Variants in MAPKAPK3 observed in about 807,000 individuals in gnomAD.
MAPKAPK3 encodes the protein MAP kinase-activated protein kinase 3.
Under a neutral mutation model 49.2 loss-of-function variants are expected in MAPKAPK3, and 35 were observed. That is an observed-to-expected ratio of 0.71 (90% CI 0.54 to 0.94). The LOEUF is 0.94. Ranked by LOEUF, MAPKAPK3 falls within the 40% of genes least tolerant of loss-of-function variation. MAPKAPK3 has a pLI of 0.00. For synonymous variants in MAPKAPK3, 178 were observed against 188.7 expected, an observed-to-expected ratio of 0.94 and a Z score of 0.46; for missense variants, 398 against 493.1, an observed-to-expected ratio of 0.81 and a Z score of 1.83.
intron 2 of MAPKAPK3, among the ~76,000 whole-genome samples, chr3:50,622,028 A>G (rs528069310): frequency 1.1e-4 from 17 of 152,300 alleles, no homozygotes; most frequent in Admixed American, 6.5e-4. Flanking sequence ...TGTAGCAGCC[A>G]TCTTCCTTCT....
chr3:50,639,557 T>C (rs2033124526), intron 2 of MAPKAPK3, among the ~76,000 whole-genome samples: 1 of 152,162 alleles, frequency 6.6e-6, no homozygotes, highest in Non-Finnish European at 1.5e-5. Flanking sequence ...TAGAAGCACT[T>C]TTCTTGGTAG....
intron 2 of MAPKAPK3, among the ~76,000 whole-genome samples, chr3:50,637,273 C>T (rs540913763): frequency 2.6e-5 from 4 of 152,328 alleles, no homozygotes; most frequent in South Asian, 2.1e-4. Context: ...GCCAGGGACC[C>T]CCAAGTGAAC....
intron 2 of MAPKAPK3, among the ~76,000 whole-genome samples, chr3:50,639,613 A>G (rs976933294): frequency 7.9e-5 from 12 of 152,224 alleles, no homozygotes; most frequent in African/African-American, 2.9e-4. Context: ...CTGAAGTCTT[A>G]ATTACTTTTA....
chr3:50,640,535 C>G (rs1344842842), intron 3 of MAPKAPK3, 30 bp downstream of exon 3: 2 of 1,574,070 alleles, frequency 1.3e-6, no homozygotes, highest in African/African-American at 1.4e-5. Context: ...CTCCACACCC[C>G]CTCGGCATCC....
chr3:50,645,620 C>A, intron 6 of MAPKAPK3, 90 bp from the exon 7 acceptor site: 2 of 992,304 alleles, frequency 2.0e-6, no homozygotes, highest in Non-Finnish European at 1.6e-6. Flanking sequence ...AGCCCAGGTA[C>A]CTGCTCCCCA....
At chr3:50,642,017 G>A (rs905374500) in intron 4 of MAPKAPK3, among the ~76,000 whole-genome samples, 1 of 152,178 alleles carries the variant, frequency 6.6e-6, no homozygotes, top group African/African-American at 2.4e-5. Context: ...GTTGAGCTGG[G>A]GAGAGGTAGC....
At chr3:50,642,036 G>A (rs1235713445) in intron 4 of MAPKAPK3, among the ~76,000 whole-genome samples, 1 of 152,198 alleles carries the variant, frequency 6.6e-6, no homozygotes, top group Non-Finnish European at 1.5e-5. Context: ...GCTCAGGACT[G>A]AGGAAAGAAG....
chr3:50,639,262 T>C (rs1559488473), intron 2 of MAPKAPK3, among the ~76,000 whole-genome samples: 1 of 152,156 alleles, frequency 6.6e-6, no homozygotes, highest in African/African-American at 2.4e-5. Context: ...CACCGAGTCA[T>C]TGGAGGAATT....
chr3:50,625,547 A>C (rs1213464022), intron 2 of MAPKAPK3, among the ~76,000 whole-genome samples: 1 of 152,222 alleles, frequency 6.6e-6, no homozygotes, highest in Non-Finnish European at 1.5e-5. Flanking sequence ...AGGCCCTTTC[A>C]GCACTAGACA....
At chr3:50,631,339 G>A (rs1317269304) in intron 2 of MAPKAPK3, among the ~76,000 whole-genome samples, 2 of 152,222 alleles carry the variant, frequency 1.3e-5, no homozygotes, top group Admixed American at 1.3e-4. Flanking sequence ...GGAGGACATG[G>A]GGGGCAGGAG....
At chr3:50,619,741 A>G (rs1044715563) in intron 2 of MAPKAPK3, among the ~76,000 whole-genome samples, 1 of 152,132 alleles carries the variant, frequency 6.6e-6, no homozygotes, top group Non-Finnish European at 1.5e-5. Flanking sequence ...CAGAATTTGT[A>G]GGCCCACACA....
intron 2 of MAPKAPK3, among the ~76,000 whole-genome samples, chr3:50,636,556 A>G (rs1452605752): frequency 6.6e-6 from 1 of 152,242 alleles, no homozygotes; most frequent in African/African-American, 2.4e-5. Flanking sequence ...TTGGGTCCCA[A>G]GGGTGTGTGC....
chr3:50,647,638 A>G (rs1283679472), intron 10 of MAPKAPK3, among the ~76,000 whole-genome samples: 1 of 152,286 alleles, frequency 6.6e-6, no homozygotes, highest in East Asian at 1.9e-4. Flanking sequence ...TTAGTTCACT[A>G]TCCCACTTAC....
In MAPKAPK3 at chr3:50,645,804, C is replaced by G; in HGVS notation, c.704+19C>G. On this transcript the variant is annotated intron_variant, in intron 7 of 10. Transcript: ENST00000621469. ...ACATCCTGTGAGTACCTTCCCCACC[C>G]CCTGCCTCCATCTCCTGCCCTTACC... 6.2e-7 allele frequency: 1 copy of G among 1,611,716 alleles called. No homozygotes were observed. The highest frequency in any genetic ancestry group is 8.5e-7 in the Non-Finnish European group (1 of 1,177,916).
Position 50,647,168 on chromosome 3 carries a change from C to A in MAPKAPK3, c.961C>A (p.Leu321Met). ...GACCCCACTCCACACGGCCCGAGTGCTGCAGGAGGACAAAGACCACTGGGA... is the reference window on the plus strand; with the variant it reads ...GACCCCACTCCACACGGCCCGAGTGATGCAGGAGGACAAAGACCACTGGGA... ...PQTPLHTARVLQEDKDHWDEV... is the reference protein window; with the variant it reads ...PQTPLHTARVMQEDKDHWDEV... Residue 321 changes from leucine (L) to methionine (M), a missense_variant, in exon 10 of 11, where the codon CTG (leucine) becomes ATG (methionine). Around this residue, in one of 5 missense-constraint regions of MAPKAPK3, gnomAD observed 152 missense variants for 177.3 expected, o/e 0.86. Transcript: ENST00000621469. 1 of 1,597,492 alleles carries A rather than the reference C, an allele frequency of 6.3e-7. No individual in the cohort carries two copies. Among genetic ancestry groups the A allele is most frequent in the Non-Finnish European group, 8.5e-7 (1 of 1,171,984 alleles).
chr3:50,641,842 G>A, intron 4 of MAPKAPK3, 71 bp downstream of exon 4: 1 of 1,302,458 alleles, frequency 7.7e-7, no homozygotes, highest in Non-Finnish European at 1.1e-6. Context: ...TGTGTGTGAT[G>A]CTAGGCAAGA....
chr3:50,614,422 C>A (rs1196691306), upstream of MAPKAPK3, among the ~76,000 whole-genome samples: 1 of 152,120 alleles, frequency 6.6e-6, no homozygotes, highest in Non-Finnish European at 1.5e-5. Context: ...GAATACACAG[C>A]AGTGCCTTCC....
chr3:50,646,217 G>A lies in MAPKAPK3; in HGVS notation c.782G>A (p.Gly261Asp). The A allele has an allele frequency of 6.2e-7, 1 of 1,614,192 alleles. No homozygotes were observed. Among genetic ancestry groups the A allele is most frequent in the Non-Finnish European group, 8.5e-7 (1 of 1,180,042 alleles). The change falls in exon 8 of 11, where the codon GGC becomes GAC. Residue 261 changes from glycine to aspartate, a missense_variant. Coordinates refer to ENST00000621469, the MANE Select transcript of MAPKAPK3 (RefSeq NM_001243925.2). ...GGGATGAAGAGGAGGATTCGCCTGG[G>A]CCAGTACGGCTTCCCCAATCCTGAG... is the stretch of plus-strand genomic sequence containing the variant. ...SPGMKRRIRL[G>D]QYGFPNPEWS...
upstream of MAPKAPK3, among the ~76,000 whole-genome samples, chr3:50,616,397 A>G (rs2032464971): frequency 6.6e-6 from 1 of 152,230 alleles, no homozygotes; most frequent in Non-Finnish European, 1.5e-5. Flanking sequence ...AGATGGGCTT[A>G]ACAGAGACTT....
Sources: gnomAD v4.1 joint callset for allele counts (sites outside exome capture counted in the v4.1 genomes callset) on GRCh38, gnomAD v4.1.1 for gene constraint, gnomAD v4.1.1 regional missense constraint, MANE v1.5 for transcripts, NCBI Gene and HGNC (gene_info 2026-07-23, HGNC 2026-07-21) for gene names.